The following SHISAL1 variants were observed in gnomAD, a reference collection of about 807,000 sequenced individuals.
SHISAL1 encodes the protein shisa like 1, also known as protein shisa-like-1.
Under a neutral mutation model 22.6 loss-of-function variants are expected in SHISAL1, and 9 were observed. That is an observed-to-expected ratio of 0.40 (90% CI 0.24 to 0.70). The LOEUF (loss-of-function observed/expected upper bound fraction) is 0.70. SHISAL1 is among the 30% of genes least tolerant of loss of function. The pLI is 0.39. For missense variants in SHISAL1, 246 were observed against 270.6 expected (o/e 0.91, Z 0.64); for synonymous variants, 119 against 115.4 (o/e 1.03, Z -0.20).
intron 1 of SHISAL1, among the ~76,000 whole-genome samples, chr22:44,309,806 G>C (rs1050861205): frequency 2.6e-5 from 4 of 152,164 alleles, no homozygotes; most frequent in African/African-American, 9.7e-5. Flanking sequence ...GTGAACTTTT[G>C]TTTTCAGGAC....
At chr22:44,329,464 C>T in the SHISAL1 span, among the ~76,000 whole-genome samples, 5 of 151,874 alleles carry the variant, frequency 3.3e-5, no homozygotes, top group Non-Finnish European at 5.9e-5. Flanking sequence ...CACACACACA[C>T]GCGCGGCTCT....
chr22:44,308,107 T>C (rs2055492166), intron 1 of SHISAL1, among the ~76,000 whole-genome samples: 1 of 152,230 alleles, frequency 6.6e-6, no homozygotes, highest in Non-Finnish European at 1.5e-5. Context: ...CTCCACCTTC[T>C]GTAACCACAT....
the SHISAL1 span, among the ~76,000 whole-genome samples, chr22:44,327,613 C>T: frequency 6.6e-6 from 1 of 152,174 alleles, no homozygotes; most frequent in South Asian, 2.1e-4. Context: ...TTGGAGTCTC[C>T]TCCACCTCCC....
At chr22:44,295,482 CT>C (rs1203064138) in intron 3 of SHISAL1, among the ~76,000 whole-genome samples, 2 of 151,178 alleles carry the variant, frequency 1.3e-5, no homozygotes, top group African/African-American at 4.9e-5. Flanking sequence ...CAGGAAACAC[CT>C]TTCTTAGTAT....
chr22:44,257,869 C>T lies in SHISAL1; in HGVS notation c.*-8184G>A, dbSNP rs952398939. The stretch of plus-strand genomic sequence containing the variant: ...TTTAAAAAACTTTTAAGGCCAGGCA[C>T]GGTGGCTCACGCCTGTAATCCCAGC... On this transcript the variant is annotated intron_variant, in intron 4 of 4. Coordinates refer to ENST00000381176, the MANE Select transcript of SHISAL1 (RefSeq NM_001099294.2). Among the ~76,000 whole-genome samples, 8 of 152,268 alleles carry T rather than the reference C, an allele frequency of 5.3e-5. No homozygotes were observed. The South Asian group carries it at 6.2e-4, about 12-fold the overall frequency.
At chr22:44,290,538 A>AAAAAC (rs1342552019) in intron 3 of SHISAL1, among the ~76,000 whole-genome samples, 1,748 of 150,664 alleles carry the variant, frequency 0.012, 63 homozygotes, top group African/African-American at 0.041. Flanking sequence ...TCAAAAAAAA[A>AAAAAC]AAAAAACAAA....
chr22:44,319,882 A>C, the SHISAL1 span, among the ~76,000 whole-genome samples: 2 of 152,092 alleles, frequency 1.3e-5, no homozygotes, highest in Non-Finnish European at 2.9e-5. Context: ...AGGCCCCTAA[A>C]TGTCTCAGAC....
upstream of SHISAL1, among the ~76,000 whole-genome samples, chr22:44,317,883 G>T (rs1266964627): frequency 6.6e-6 from 1 of 152,266 alleles, no homozygotes; most frequent in Non-Finnish European, 1.5e-5. Context: ...TACTGAGTTT[G>T]CACTTTGGAA....
At chr22:44,254,537 A>AT (rs2055071539) in intron 4 of SHISAL1, among the ~76,000 whole-genome samples, 1 of 152,046 alleles carries the variant, frequency 6.6e-6, no homozygotes, top group Admixed American at 6.6e-5. Flanking sequence ...ATTAAAAAAA[A>AT]TTTTTGCAGG....
the SHISAL1 span, among the ~76,000 whole-genome samples, chr22:44,329,071 C>G: frequency 6.6e-6 from 1 of 152,222 alleles, no homozygotes; most frequent in Non-Finnish European, 1.5e-5. Flanking sequence ...GTGCACTTCC[C>G]CACCCCCAGG....
chr22:44,275,582 G>A (rs1281662781), intron 4 of SHISAL1, among the ~76,000 whole-genome samples: 1 of 152,120 alleles, frequency 6.6e-6, no homozygotes, highest in African/African-American at 2.4e-5. Flanking sequence ...GGCATGGGGT[G>A]GCATTATCTC....
Position 44,296,898 on chromosome 22 carries a change from G to A in SHISAL1, c.68-13C>T, listed in dbSNP as rs2055390942. The A allele has an allele frequency of 6.2e-7, 1 of 1,607,042 alleles. No individual in the cohort carries two copies. ...TGTGCAGACAAGACTGGAAGACAGA[G>A]TCACCAGGCTCAGAGGGGTCCCTCA... On this transcript the variant is annotated splice_polypyrimidine_tract_variant and intron_variant, in intron 2 of 4. Transcript: ENST00000381176.
intron 4 of SHISAL1, among the ~76,000 whole-genome samples, chr22:44,251,397 G>A (rs868685387): frequency 5.3e-5 from 8 of 152,272 alleles, no homozygotes; most frequent in East Asian, 1.9e-4. Flanking sequence ...TTAAGGATAC[G>A]CTTAGGCAAA....
intron 4 of SHISAL1, among the ~76,000 whole-genome samples, chr22:44,281,201 T>C (rs135400): frequency 0.4 from 60,789 of 152,034 alleles, 12,740 homozygotes; most frequent in Non-Finnish European, 0.46. Flanking sequence ...CCCAGACCCC[T>C]AGTGCTGATG....
chr22:44,274,565 A>G (rs531432497), intron 4 of SHISAL1, among the ~76,000 whole-genome samples: 2 of 152,276 alleles, frequency 1.3e-5, no homozygotes, highest in African/African-American at 4.8e-5. Flanking sequence ...AAAAAAAATT[A>G]TACGTTGTAT....
chr22:44,252,909 C>G (rs775218784), intron 4 of SHISAL1, among the ~76,000 whole-genome samples: 23 of 151,790 alleles, frequency 1.5e-4, no homozygotes, highest in Non-Finnish European at 3.2e-4. Flanking sequence ...GCAAGAGAAT[C>G]GCTCAAACCC....
At chr22:44,297,139 T>G (rs964151029) in intron 2 of SHISAL1, among the ~76,000 whole-genome samples, 1 of 152,224 alleles carries the variant, frequency 6.6e-6, no homozygotes, top group Non-Finnish European at 1.5e-5. Context: ...GTGAACATGC[T>G]TGACATGCAG....
chr22:44,243,852 C>G lies in SHISAL1; in HGVS notation c.*5833G>C, dbSNP rs2054975786. 2 of 152,068 alleles carry G rather than the reference C, an allele frequency of 1.3e-5. No individual in the cohort carries two copies. Among genetic ancestry groups the G allele is most frequent in the African/African-American group, 4.8e-5 (2 of 41,370 alleles). 9.4% of individuals were successfully genotyped at this position (152,068 alleles called of 1,614,324 possible). A position where few individuals can be genotyped will look rare whatever the true frequency, so the allele number is the denominator to read the frequency against. On this transcript the variant is annotated 3_prime_UTR_variant, in exon 5 of 5. Coordinates refer to ENST00000381176, the MANE Select transcript of SHISAL1 (RefSeq NM_001099294.2). ...CCCGGTTATCAGCTCTCAGGGAGAC[C>G]CCATGCCTGCTCACATGAAGTCAGA...
intron 4 of SHISAL1, among the ~76,000 whole-genome samples, chr22:44,269,166 C>T (rs1437971019): frequency 1.3e-5 from 2 of 150,006 alleles, no homozygotes; most frequent in African/African-American, 4.9e-5. Context: ...CCACACAGAT[C>T]CACACAATAT....
Sources: allele counts gnomAD v4.1 joint callset (sites outside exome capture counted in the v4.1 genomes callset), GRCh38; gene constraint gnomAD v4.1.1; transcripts MANE v1.5; gene names NCBI Gene and HGNC (gene_info 2026-07-23, HGNC 2026-07-21).